HAUS1: variants seen among roughly 807,000 people sequenced by gnomAD.
HAUS1 encodes the protein HAUS augmin-like complex subunit 1.
A neutral mutation model predicts 38.6 loss-of-function variants in HAUS1; 25 were observed. That is an observed-to-expected ratio of 0.65 (90% confidence interval 0.47 to 0.91). The LOEUF (loss-of-function observed/expected upper bound fraction) is 0.91. Among genes scored for constraint, HAUS1 ranks in the 40% least tolerant of loss-of-function variants. The pLI is 0.00. For synonymous variants in HAUS1, 109 were observed against 112.9 expected, an observed-to-expected ratio of 0.97 and a Z score of 0.22; for missense variants, 325 against 328.4, an observed-to-expected ratio of 0.99 and a Z score of 0.08.
intron 2 of HAUS1, among the ~76,000 whole-genome samples, chr18:46,106,245 C>T (rs1038938690): frequency 5.3e-5 from 8 of 152,118 alleles, no homozygotes; most frequent in African/African-American, 1.4e-4. Flanking sequence ...CCGAGGCGGG[C>T]GGATCACAAG....
At chr18:46,107,874 G>GC (rs1309304334) in intron 2 of HAUS1, among the ~76,000 whole-genome samples, 3 of 152,100 alleles carry the variant, frequency 2.0e-5, no homozygotes, top group Admixed American at 6.6e-5. Flanking sequence ...TGTTGTTTTT[G>GC]TTTTTTATAG....
intron 7 of HAUS1, among the ~76,000 whole-genome samples, chr18:46,125,189 G>A (rs1319898345): frequency 6.6e-6 from 1 of 151,864 alleles, no homozygotes; most frequent in Non-Finnish European, 1.5e-5. Flanking sequence ...GAACCTGGGA[G>A]GCAGAGATTT....
intron 4 of HAUS1, among the ~76,000 whole-genome samples, chr18:46,120,486 G>A (rs910151866): frequency 3.9e-5 from 6 of 152,096 alleles, no homozygotes; most frequent in South Asian, 4.2e-4. Flanking sequence ...CGCCCGCCTC[G>A]GCCTCCCAAA....
Position 46,105,326 on chromosome 18 carries a change from A to C in HAUS1, c.163A>C (p.Ile55Leu), listed in dbSNP as rs1302764222. The change falls in exon 2 of 9, where the codon ATA becomes CTA. Residue 55 changes from isoleucine to leucine, a missense_variant. Physicochemically the swap from Ile to Leu is conservative, Grantham distance 5. Transcript: ENST00000282058. ...CCGGGACAGGGATGTCTACCTGGTA[A>C]TAGAGGACTTGAAGCAGAAAGCAAG... ...RVRDRDVYLV[I>L]EDLKQKASEY... 7 of 1,613,506 alleles carry C rather than the reference A, an allele frequency of 4.3e-6. No individual in the cohort carries two copies. Among genetic ancestry groups the C allele is most frequent in the Non-Finnish European group, 5.9e-6 (7 of 1,179,800 alleles).
chr18:46,114,835 A>T (rs1327397520), intron 2 of HAUS1, among the ~76,000 whole-genome samples: 1 of 152,116 alleles, frequency 6.6e-6, no homozygotes, highest in Admixed American at 6.6e-5. Flanking sequence ...ACAAATTCTC[A>T]GTGTCCTTAC....
At chr18:46,122,356 A>T in intron 4 of HAUS1, 111 bp from the exon 5 acceptor site, 1 of 1,056,954 alleles carries the variant, frequency 9.5e-7, no homozygotes. Context: ...TGACCTGGTT[A>T]CCAACTCTTG....
chr18:46,119,688 A>G (rs932882632), intron 3 of HAUS1, among the ~76,000 whole-genome samples: 1 of 152,182 alleles, frequency 6.6e-6, no homozygotes, highest in African/African-American at 2.4e-5. Flanking sequence ...ACAGAGAAGG[A>G]GGTAGTTAAT....
rs191696585 is a variant in HAUS1, at chr18:46,115,583, G to A, written c.206-2598G>A. 1.8e-3 allele frequency among the ~76,000 whole-genome samples: 279 copies of A among 151,840 alleles called. 3 individuals carry two copies. The highest frequency in any genetic ancestry group is 0.014 in the Admixed American group (210 of 15,212). On this transcript the variant is annotated intron_variant, in intron 2 of 8. Transcript: ENST00000282058. ...GCAGAGGTTGCAGTGAGCCAATATC[G>A]TGCCACTGCACTCCAGCTTGGGTGA... is the stretch of plus-strand genomic sequence containing the variant.
intron 2 of HAUS1, among the ~76,000 whole-genome samples, chr18:46,113,331 C>T (rs1911723625): frequency 6.6e-6 from 1 of 151,886 alleles, no homozygotes; most frequent in Non-Finnish European, 1.5e-5. Flanking sequence ...CCTGCCTTGG[C>T]CTCCCAAAGT....
intron 2 of HAUS1, among the ~76,000 whole-genome samples, chr18:46,113,510 A>AGTTT (rs1911726945): frequency 4.4e-4 from 2 of 4,496 alleles, no homozygotes; most frequent in African/African-American, 1.3e-3. Flanking sequence ...CTTTTCTTAC[A>AGTTT]ATTTCTCTTC....
At chr18:46,116,880 G>A (rs754175330) in intron 2 of HAUS1, among the ~76,000 whole-genome samples, 1 of 151,984 alleles carries the variant, frequency 6.6e-6, no homozygotes, top group Non-Finnish European at 1.5e-5. Context: ...CAGGTATAGT[G>A]GTCCACAGGT....
chr18:46,113,658 C>A (rs1432830428), intron 2 of HAUS1, among the ~76,000 whole-genome samples: 1 of 152,146 alleles, frequency 6.6e-6, no homozygotes, highest in Non-Finnish European at 1.5e-5. Flanking sequence ...TTGTCATTCT[C>A]ACAGGCAGCT....
At chr18:46,112,922 G>A (rs12605262) in intron 2 of HAUS1, among the ~76,000 whole-genome samples, 2 of 107,956 alleles carry the variant, frequency 1.9e-5, no homozygotes, top group African/African-American at 8.1e-5. Flanking sequence ...TATATATAAT[G>A]TGTATATATT....
rs78715655 is a variant in HAUS1 at position 46,122,284 on chromosome 18, A to T, written c.477-183A>T. Among the ~76,000 whole-genome samples, 758 of 151,050 alleles carry T rather than the reference A, an allele frequency of 5.0e-3. 3 individuals are homozygous for T. The highest frequency in any genetic ancestry group is 0.018 in the African/African-American group (729 of 40,870). ...ACACCACTGCATTCAAGCCTGGGTG[A>T]CAGACCAAGACCTCATCTCTTAAAA... On this transcript the variant is annotated intron_variant, in intron 4 of 8. Coordinates refer to ENST00000282058, the MANE Select transcript of HAUS1 (RefSeq NM_138443.4).
At chr18:46,114,869 A>T (rs777919327) in intron 2 of HAUS1, among the ~76,000 whole-genome samples, 1 of 152,118 alleles carries the variant, frequency 6.6e-6, no homozygotes. Flanking sequence ...ATTTTATTGA[A>T]TAGTTGTTTC....
At chr18:46,120,513 C>T (rs192885332) in intron 4 of HAUS1, among the ~76,000 whole-genome samples, 283 of 152,200 alleles carry the variant, frequency 1.9e-3, no homozygotes, top group Middle Eastern at 6.8e-3. Flanking sequence ...GGATTACAGG[C>T]GTGAGCCACT....
In HAUS1 at chr18:46,105,231, C is replaced by T. The variant is rs1457145732; in HGVS notation, c.68C>T (p.Pro23Leu). Residue 23 changes from proline (P) to leucine (L), a missense_variant, in exon 2 of 9, where the codon CCT (proline) becomes CTT (leucine). Coordinates refer to ENST00000282058, the MANE Select transcript of HAUS1 (RefSeq NM_138443.4). The stretch of plus-strand genomic sequence containing the variant: ...TTAAAAAAAATATTTGGAGATCATC[C>T]TATTCCACAGTATGAGGTGAACCCA... Reference protein sequence around the residue: ...AWLKKIFGDHPIPQYEVNPRT... With the variant: ...AWLKKIFGDHLIPQYEVNPRT... The T allele has an allele frequency of 2.5e-6, 4 of 1,612,056 alleles. No homozygotes were observed. Among genetic ancestry groups the T allele is most frequent in the Non-Finnish European group, 3.4e-6 (4 of 1,179,436 alleles).
chr18:46,128,019 A>G, intron 8 of HAUS1, 56 bp from the exon 9 acceptor site: 1 of 1,033,500 alleles, frequency 9.7e-7, no homozygotes. Context: ...AACATTAAAT[A>G]AAAGTTAGAG....
intron 2 of HAUS1, among the ~76,000 whole-genome samples, chr18:46,108,795 C>T (rs1911540847): frequency 6.6e-6 from 1 of 151,942 alleles, no homozygotes; most frequent in African/African-American, 2.4e-5. Flanking sequence ...GTTTAGGCCC[C>T]GCATGATGGC....
Sources: gnomAD v4.1 joint callset for allele counts (sites outside exome capture counted in the v4.1 genomes callset) on GRCh38, gnomAD v4.1.1 for gene constraint, MANE v1.5 for transcripts, NCBI Gene and HGNC (gene_info 2026-07-23, HGNC 2026-07-21) for gene names.